Variants in CELF2 observed in about 807,000 individuals in gnomAD.
The protein encoded by CELF2 is CUGBP Elav-like family member 2, also known as CUG triplet repeat RNA-binding protein 2.
In CELF2, 8 loss-of-function variants were observed where a neutral mutation model predicts 62.6. That is an observed-to-expected ratio of 0.13 (90% CI 0.07 to 0.23). The LOEUF (loss-of-function observed/expected upper bound fraction) is 0.23, where lower values mean the gene tolerates loss of function less well. Among genes scored for constraint, CELF2 ranks in the 10% least tolerant of loss-of-function variants. CELF2 has a pLI of 1.00. For synonymous variants in CELF2, 258 were observed against 250.0 expected (o/e 1.03, Z -0.30); for missense variants, 333 against 671.0 (o/e 0.50, Z 5.56).
chr10:11,201,819 C>G (rs1393163705), intron 2 of CELF2, among the ~76,000 whole-genome samples: 1 of 152,150 alleles, frequency 6.6e-6, no homozygotes, highest in East Asian at 1.9e-4. Flanking sequence ...TGCCAATGTT[C>G]CAGGCAATTA....
chr10:10,569,834 A>C, the CELF2 span, among the ~76,000 whole-genome samples: 63,090 of 151,888 alleles, frequency 0.42, 13,289 homozygotes, highest in East Asian at 0.55. Flanking sequence ...ACAGTCATGG[A>C]AAACTCTGGA....
At chr10:10,791,898 A>T in the CELF2 span, among the ~76,000 whole-genome samples, 3 of 152,040 alleles carry the variant, frequency 2.0e-5, no homozygotes, top group African/African-American at 7.2e-5. Context: ...TTTTATTTGT[A>T]TTTAACAAAA....
the CELF2 span, among the ~76,000 whole-genome samples, chr10:10,503,921 T>A: frequency 1.3e-5 from 2 of 152,052 alleles, no homozygotes; most frequent in African/African-American, 4.8e-5. Context: ...GTAGTCACTC[T>A]AAGTATTACA....
rs771912682 is a variant in CELF2 at position 11,110,779 on chromosome 10, G to A, written c.75-54707G>A. Among the ~76,000 whole-genome samples, 2 of 152,058 alleles carry A rather than the reference G, an allele frequency of 1.3e-5. No homozygotes were observed. Among genetic ancestry groups the A allele is most frequent in the African/African-American group, 2.4e-5 (1 of 41,408 alleles). ...GTGCCCACGGGAGGCCTCATCCGGG[G>A]GCAGTTTCTGCTTGTCAAGGAACTG... On this transcript the variant is annotated intron_variant, in intron 1 of 12. Transcript: ENST00000633077. This position sits in a 1 kb window ranked among gnomAD's most constrained non-coding sequence, Gnocchi z 4.0.
At chr10:11,230,299 T>G (rs1265176314) in intron 3 of CELF2, among the ~76,000 whole-genome samples, 1 of 152,260 alleles carries the variant, frequency 6.6e-6, no homozygotes, top group Non-Finnish European at 1.5e-5. Context: ...AAATTAATTT[T>G]TTTTTTAATT....
the CELF2 span, among the ~76,000 whole-genome samples, chr10:10,791,369 G>A: frequency 1.3e-5 from 2 of 151,058 alleles, no homozygotes; most frequent in African/African-American, 4.9e-5. Flanking sequence ...CCGGGGTACA[G>A]CTACCAATTT....
chr10:10,742,710 T>C, the CELF2 span, among the ~76,000 whole-genome samples: 1 of 152,218 alleles, frequency 6.6e-6, no homozygotes, highest in African/African-American at 2.4e-5. Context: ...CCAGTGCTTA[T>C]TGTGGCTTAC....
intron 1 of CELF2, among the ~76,000 whole-genome samples, chr10:11,115,475 C>T (rs2143553178): frequency 6.6e-6 from 1 of 152,228 alleles, no homozygotes; most frequent in African/African-American, 2.4e-5. Context: ...ATTTGTGAGT[C>T]ATAGGGATCC....
intron 1 of CELF2, among the ~76,000 whole-genome samples, chr10:10,807,429 G>T (rs878868796): frequency 6.6e-6 from 1 of 152,120 alleles, no homozygotes; most frequent in African/African-American, 2.4e-5. Context: ...TTCTCAAATA[G>T]GGCATTCCAT....
chr10:10,650,322 T>C, the CELF2 span, among the ~76,000 whole-genome samples: 7 of 152,240 alleles, frequency 4.6e-5, no homozygotes, highest in African/African-American at 1.7e-4. Flanking sequence ...GTTATTTTCA[T>C]TAAGCACATT....
the CELF2 span, among the ~76,000 whole-genome samples, chr10:10,558,957 T>C: frequency 6.6e-6 from 1 of 152,162 alleles, no homozygotes; most frequent in Non-Finnish European, 1.5e-5. Context: ...AGACATAGCA[T>C]AAGAATAATA....
chr10:10,577,007 C>T, the CELF2 span, among the ~76,000 whole-genome samples: 6 of 152,166 alleles, frequency 3.9e-5, no homozygotes, highest in Admixed American at 6.6e-5. Flanking sequence ...ACACTAATCA[C>T]ACAAAGGGGA....
chr10:11,276,762 G>C (rs577564262), intron 8 of CELF2, among the ~76,000 whole-genome samples: 1 of 152,184 alleles, frequency 6.6e-6, no homozygotes, highest in African/African-American at 2.4e-5. Flanking sequence ...GTGCTGTCCC[G>C]GGTGGACAGC....
chr10:10,696,772 GC>G, the CELF2 span, among the ~76,000 whole-genome samples: 28 of 152,266 alleles, frequency 1.8e-4, no homozygotes, highest in African/African-American at 5.8e-4. Flanking sequence ...TTTTCCAGGT[GC>G]CGTCCGTCAC....
chr10:10,942,531 G>A (rs1318708825), intron 2 of CELF2, among the ~76,000 whole-genome samples: 2 of 152,184 alleles, frequency 1.3e-5, no homozygotes, highest in Non-Finnish European at 2.9e-5. Flanking sequence ...TCCATTGTAA[G>A]AAACAAGAGA....
At chr10:10,866,569 C>T (rs1411733749) in intron 1 of CELF2, among the ~76,000 whole-genome samples, 1 of 141,284 alleles carries the variant, frequency 7.1e-6, no homozygotes, top group Non-Finnish European at 1.5e-5. Context: ...CGTGCCACTG[C>T]ACTCCAGTCT....
At chr10:11,248,983 C>T (rs749001802) in intron 3 of CELF2, among the ~76,000 whole-genome samples, 170 bp from the exon 4 acceptor site, 5 of 152,184 alleles carry the variant, frequency 3.3e-5, no homozygotes, top group Admixed American at 6.5e-5. Context: ...GTTTGATTCC[C>T]GAACAGAAAA....
chr10:10,508,688 GTGTGTGTGTGTGTGTGTA>G, the CELF2 span, among the ~76,000 whole-genome samples: 1 of 81,280 alleles, frequency 1.2e-5, no homozygotes, highest in African/African-American at 4.0e-5. Flanking sequence ...GTGTGTGTGT[GTGTGTGTGTGTGTGTGTA>G]TATTTTTTTT....
chr10:11,321,002 G>GGTCATTTTCCCCCATTATCAC lies in CELF2; in HGVS notation c.1097-185_1097-165dup. 7.1e-7 allele frequency: 1 copy of GGTCATTTTCCCCCATTATCAC among 1,401,416 alleles called. No individual in the cohort carries two copies. Among genetic ancestry groups the GGTCATTTTCCCCCATTATCAC allele is most frequent in the Non-Finnish European group, 9.7e-7 (1 of 1,028,668 alleles). 86.8% of individuals were successfully genotyped at this position (1,401,416 alleles called of 1,614,324 possible). On this transcript the variant is annotated intron_variant, in intron 10 of 12. Transcript: ENST00000633077. This position sits in a 1 kb window ranked among gnomAD's most constrained non-coding sequence, Gnocchi z 6.2. ...AGGGAGTGAGGGTTCTCATGGCTTAGGTCATTTTCCCCCATTATCACGATT... is the reference window on the plus strand; with the variant it reads ...AGGGAGTGAGGGTTCTCATGGCTTAGGTCATTTTCCCCCATTATCACGTCATTTTCCCCCATTATCACGATT...
Sources: gnomAD v4.1 joint callset for allele counts (sites outside exome capture counted in the v4.1 genomes callset) on GRCh38, gnomAD v4.1.1 for gene constraint, Gnocchi (gnomAD v3.1) non-coding constraint, MANE v1.5 for transcripts, NCBI Gene and HGNC (gene_info 2026-07-23, HGNC 2026-07-21) for gene names.